Variants in RPL5 observed in about 807,000 individuals in gnomAD.
The protein encoded by RPL5 is large ribosomal subunit protein uL18.
Under a neutral mutation model 38.4 loss-of-function variants are expected in RPL5, and 1 was observed. The ratio of observed to expected loss-of-function variants is 0.03; its 90% CI spans 0.01 to 0.12. The LOEUF is 0.12. Ranked by LOEUF, RPL5 falls within the 10% of genes least tolerant of loss-of-function variation. The pLI, the probability that RPL5 is intolerant of heterozygous loss-of-function variation, is 1.00. For synonymous variants in RPL5, 109 were observed against 121.2 expected (o/e 0.90, Z 0.66); for missense variants, 243 against 374.1 (o/e 0.65, Z 2.89).
intron 7 of RPL5, 111 bp downstream of exon 7, chr1:92,840,750 T>C (rs752334978): frequency 2.4e-6 from 2 of 843,650 alleles, no homozygotes; most frequent in African/African-American, 1.7e-5. Context: ...CTGCGTGATG[T>C]GGCAGAAGCG....
intron 4 of RPL5, 57 bp downstream of exon 4, chr1:92,834,970 T>A: frequency 2.5e-6 from 4 of 1,598,434 alleles, no homozygotes; most frequent in Non-Finnish European, 2.5e-6. Flanking sequence ...TGGAGAGTTT[T>A]CTGCAAGATG....
chr1:92,832,165 T>G, intron 1 of RPL5, 48 bp downstream of exon 1: 1 of 1,612,696 alleles, frequency 6.2e-7, no homozygotes, highest in Non-Finnish European at 8.5e-7. Context: ...GGAGGTTCCC[T>G]TTTCTTGCCC....
At chr1:92,840,316 T>C in intron 6 of RPL5, 1 of 464,170 alleles carries the variant, frequency 2.2e-6, no homozygotes, top group Non-Finnish European at 3.9e-6. Flanking sequence ...CTGGCCTGAT[T>C]TTTTTCTTGA....
Position 92,840,646 on chromosome 1 carries a change from C to T in RPL5, c.794+7C>T, listed in dbSNP as rs753544748. ...AAGAAGTTAAAAAGAAGAGGTATGTCGTCTTTTTTTTTGTCTTTTCAAGAA... is the reference window on the plus strand; with the variant it reads ...AAGAAGTTAAAAAGAAGAGGTATGTTGTCTTTTTTTTTGTCTTTTCAAGAA... On this transcript the variant is annotated splice_region_variant and intron_variant, in intron 7 of 7. Coordinates refer to ENST00000370321, the MANE Select transcript of RPL5 (RefSeq NM_000969.5). 9.4e-6 allele frequency: 15 copies of T among 1,601,938 alleles called. No homozygotes were observed. The highest frequency in any genetic ancestry group is 4.5e-5 in the East Asian group (2 of 44,856).
rs985053943 is a variant in RPL5 at position 92,836,471 on chromosome 1, C to A, written c.527+79C>A. 15 of 1,307,492 alleles carry A rather than the reference C, an allele frequency of 1.1e-5. No individual in the cohort carries two copies. In the East Asian group the frequency reaches 3.5e-4, roughly 30 times the overall value. 81.0% of individuals were successfully genotyped at this position (1,307,492 alleles called of 1,614,324 possible). ...TAACTAGTTGGACTGTGGAGATAAC[C>A]GAATTAAAGTAGCTATCAATTGAAT... On this transcript the variant is annotated intron_variant, in intron 5 of 7. Coordinates refer to ENST00000370321, the MANE Select transcript of RPL5 (RefSeq NM_000969.5).
chr1:92,834,003 TGGG>T (rs1687019835), intron 3 of RPL5: 1 of 321,546 alleles, frequency 3.1e-6, no homozygotes, highest in Non-Finnish European at 5.9e-6. Context: ...AGCTACTCAG[TGGG>T]AGGATTGTTT....
chr1:92,836,611 G>A, intron 5 of RPL5: 5 of 558,042 alleles, frequency 9.0e-6, no homozygotes, highest in Non-Finnish European at 1.6e-5. Flanking sequence ...CAAGTTTTTC[G>A]GGCCAGTTAT....
chr1:92,832,183 A>C, intron 1 of RPL5, 66 bp downstream of exon 1: 1 of 1,606,292 alleles, frequency 6.2e-7, no homozygotes, highest in Non-Finnish European at 8.5e-7. Context: ...CCCGTATGCC[A>C]GCCTAGGGCC....
rs1557441101 is a variant in RPL5 at position 92,836,411 on chromosome 1, A to AC, written c.527+21dup. 8.1e-6 allele frequency: 13 copies of AC among 1,608,938 alleles called. No homozygotes were observed. The South Asian group carries it at 1.4e-4, about 18-fold the overall frequency. On this transcript the variant is annotated intron_variant, in intron 5 of 7. Coordinates refer to ENST00000370321, the MANE Select transcript of RPL5 (RefSeq NM_000969.5). ...CTCACAGGTAAGAATACTATTTAAG[A>AC]CCTTGGTGCCTGGACCGTGGTACTT... is the stretch of plus-strand genomic sequence containing the variant.
intron 6 of RPL5, 27 bp downstream of exon 6, chr1:92,837,660 T>C (rs1687181437): frequency 6.3e-7 from 1 of 1,591,300 alleles, no homozygotes; most frequent in African/African-American, 1.3e-5. Flanking sequence ...AAAATGCCTA[T>C]ATTGGTTAAT....
At chr1:92,837,743 G>C in intron 6 of RPL5, 110 bp downstream of exon 6, 1 of 837,894 alleles carries the variant, frequency 1.2e-6, no homozygotes. Flanking sequence ...TTGACAACAT[G>C]AGCTAGACTT....
chr1:92,837,190 T>C (rs1048068144), intron 5 of RPL5: 62 of 613,660 alleles, frequency 1.0e-4, no homozygotes, highest in Non-Finnish European at 1.8e-5. Context: ...GCTGATGTGC[T>C]GGATGACTAA....
intron 6 of RPL5, among the ~76,000 whole-genome samples, chr1:92,839,124 C>T (rs1056127609): frequency 2.0e-5 from 3 of 150,526 alleles, no homozygotes; most frequent in African/African-American, 4.9e-5. Flanking sequence ...CTTGGGAGGC[C>T]GTGGTGGGCA....
At chr1:92,836,038 T>C (rs1444197140) in intron 4 of RPL5, 152 bp from the exon 5 acceptor site, 11 of 697,352 alleles carry the variant, frequency 1.6e-5, no homozygotes, top group Non-Finnish European at 2.8e-5. Context: ...CATTTAAAAA[T>C]TCATGAGCAA....
intron 5 of RPL5, 167 bp downstream of exon 5, chr1:92,836,559 C>T: frequency 1.5e-6 from 1 of 655,754 alleles, no homozygotes; most frequent in African/African-American, 1.8e-5. Context: ...AATTATAGCC[C>T]ATTTTATAAA....
chr1:92,832,386 C>T (rs143263271), intron 1 of RPL5: 37 of 600,424 alleles, frequency 6.2e-5, no homozygotes, highest in Middle Eastern at 7.4e-4. Flanking sequence ...AGCCTGAGTG[C>T]GGATACTGCC....
In RPL5 at chr1:92,841,807, G is replaced by A. The variant is rs781569413; in HGVS notation, c.836G>A (p.Arg279Gln). 3.7e-6 allele frequency: 6 copies of A among 1,611,630 alleles called. No homozygotes were observed. Among genetic ancestry groups the A allele is most frequent in the South Asian group, 1.1e-5 (1 of 90,970 alleles). The change falls in exon 8 of 8, where the codon CGG (arginine) becomes CAG (glutamine). Residue 279 changes from arginine (R) to glutamine (Q), a missense_variant. Transcript: ENST00000370321. ...ATGTCCCTTGCTCAGAAGAAGGATCGGGTAGCTCAAAAGAAGGCAAGCTTC... is the reference window on the plus strand; with the variant it reads ...ATGTCCCTTGCTCAGAAGAAGGATCAGGTAGCTCAAAAGAAGGCAAGCTTC... The part of the protein sequence containing the change: ...PKMSLAQKKD[R>Q]VAQKKASFLR...
At chr1:92,838,984 C>T (rs1014056964) in intron 6 of RPL5, among the ~76,000 whole-genome samples, 1 of 148,600 alleles carries the variant, frequency 6.7e-6, no homozygotes, top group Non-Finnish European at 1.5e-5. Context: ...ATTACTGTGA[C>T]ATAGTCTGTA....
intron 6 of RPL5, chr1:92,840,225 G>A: frequency 1.6e-5 from 5 of 318,938 alleles, no homozygotes; most frequent in South Asian, 1.4e-4. Flanking sequence ...TGCCTTAGCT[G>A]GTCTCAAACT....
Sources: gnomAD v4.1 joint callset for allele counts (sites outside exome capture counted in the v4.1 genomes callset) on GRCh38, gnomAD v4.1.1 for gene constraint, MANE v1.5 for transcripts, NCBI Gene and HGNC (gene_info 2026-07-23, HGNC 2026-07-21) for gene names.